Variants in ZMAT4 observed in about 807,000 individuals in gnomAD.
ZMAT4 encodes zinc finger matrin-type protein 4.
In ZMAT4, 17 loss-of-function variants were observed where a neutral mutation model predicts 28.7. That is an observed-to-expected ratio of 0.59 (90% CI 0.41 to 0.89). The LOEUF (loss-of-function observed/expected upper bound fraction) is 0.89, where lower values mean the gene tolerates loss of function less well. ZMAT4 is among the 40% of genes least tolerant of loss of function. The probability of loss-of-function intolerance (pLI) is 0.00; values close to 1 mark genes in which losing one functional copy is unlikely to be tolerated. For missense variants in ZMAT4, 240 were observed against 283.8 expected, an observed-to-expected ratio of 0.85 and a Z score of 1.11; for synonymous variants, 117 against 109.2, an observed-to-expected ratio of 1.07 and a Z score of -0.44.
chr8:40,672,709 C>T (rs1808729456), intron 5 of ZMAT4, among the ~76,000 whole-genome samples: 1 of 152,178 alleles, frequency 6.6e-6, no homozygotes, highest in Non-Finnish European at 1.5e-5. Context: ...ACATAAAGTC[C>T]TATTTTTCTC....
intron 3 of ZMAT4, among the ~76,000 whole-genome samples, chr8:40,752,580 C>T (rs1354096086): frequency 6.6e-6 from 1 of 152,216 alleles, no homozygotes; most frequent in East Asian, 1.9e-4. Flanking sequence ...ATCAGCATCC[C>T]TGTGACCGCG....
Position 40,878,202 on chromosome 8 carries a change from C to T in ZMAT4, c.-5+19481G>A, listed in dbSNP as rs118008986. Among the ~76,000 whole-genome samples the T allele has an allele frequency of 5.3e-4, 80 of 152,262 alleles. No individual in the cohort carries two copies. The East Asian group carries it at 0.014, about 26-fold the overall frequency. On this transcript the variant is annotated intron_variant, in intron 1 of 6. Transcript: ENST00000297737. ...AATCATGAAAGCCAGTATCATTGAA[C>T]GGAAGTCGAGGGGTGGCCTGAAACA...
At chr8:40,536,683 T>A (rs1206105333) in intron 6 of ZMAT4, among the ~76,000 whole-genome samples, 3 of 151,902 alleles carry the variant, frequency 2.0e-5, no homozygotes, top group Non-Finnish European at 4.4e-5. Flanking sequence ...GCCTCTCCTA[T>A]CCCCCTTGGT....
At chr8:40,811,254 C>T (rs563800904) in intron 2 of ZMAT4, among the ~76,000 whole-genome samples, 9 of 152,178 alleles carry the variant, frequency 5.9e-5, no homozygotes, top group Non-Finnish European at 1.3e-4. Context: ...GAGGAACTTA[C>T]AGACAGAAGC....
At chr8:40,724,878 A>G (rs892021648) in intron 3 of ZMAT4, among the ~76,000 whole-genome samples, 2 of 152,170 alleles carry the variant, frequency 1.3e-5, no homozygotes, top group Non-Finnish European at 2.9e-5. Context: ...AGGCCAAAAG[A>G]AGGTTCCAGA....
intron 5 of ZMAT4, among the ~76,000 whole-genome samples, chr8:40,645,420 T>C (rs769107754): frequency 2.0e-5 from 3 of 152,154 alleles, no homozygotes; most frequent in Non-Finnish European, 4.4e-5. Flanking sequence ...GGAAGTTTTG[T>C]TTGATGGATT....
At chr8:40,837,786 T>C (rs1483778089) in intron 1 of ZMAT4, among the ~76,000 whole-genome samples, 2 of 152,204 alleles carry the variant, frequency 1.3e-5, no homozygotes, top group Non-Finnish European at 2.9e-5. Flanking sequence ...CAGAGTATCA[T>C]CGCAGGACAA....
At chr8:40,740,275 A>G (rs1811945003) in intron 3 of ZMAT4, among the ~76,000 whole-genome samples, 1 of 152,108 alleles carries the variant, frequency 6.6e-6, no homozygotes, top group Non-Finnish European at 1.5e-5. Context: ...AAGTGTTCCT[A>G]TTTCTCCAAA....
At chr8:40,726,172 C>A (rs1041619667) in intron 3 of ZMAT4, among the ~76,000 whole-genome samples, 4 of 152,228 alleles carry the variant, frequency 2.6e-5, no homozygotes, top group Non-Finnish European at 5.9e-5. Flanking sequence ...CATCCTTGCA[C>A]AGACTGCCCA....
intron 5 of ZMAT4, among the ~76,000 whole-genome samples, chr8:40,586,144 C>G (rs747622932): frequency 6.6e-6 from 1 of 152,152 alleles, no homozygotes; most frequent in African/African-American, 2.4e-5. Flanking sequence ...GAGTCCTCCC[C>G]CACGCATGAC....
intron 1 of ZMAT4, among the ~76,000 whole-genome samples, chr8:40,860,792 C>G (rs1463174606): frequency 6.6e-6 from 1 of 152,308 alleles, no homozygotes; most frequent in East Asian, 1.9e-4. Flanking sequence ...CCTGGTCGTC[C>G]TGGAGTCTGC....
intron 4 of ZMAT4, 167 bp downstream of exon 4, chr8:40,697,078 G>T: frequency 1.4e-6 from 1 of 703,876 alleles, no homozygotes; most frequent in Non-Finnish European, 2.3e-6. Flanking sequence ...AGGGGTCTTA[G>T]GACAGCCAGG....
intron 6 of ZMAT4, among the ~76,000 whole-genome samples, chr8:40,559,030 T>TAAC: frequency 6.6e-6 from 1 of 152,332 alleles, no homozygotes; most frequent in Middle Eastern, 3.4e-3. Context: ...AACTATGTTT[T>TAAC]AACTGCCACA....
At chr8:40,788,348 G>A (rs1814170964) in intron 2 of ZMAT4, among the ~76,000 whole-genome samples, 1 of 152,178 alleles carries the variant, frequency 6.6e-6, no homozygotes, top group African/African-American at 2.4e-5. Context: ...ATTTTGGGAG[G>A]CCGGGGCAGG....
At chr8:40,533,357 T>C (rs1036141719) in intron 6 of ZMAT4, among the ~76,000 whole-genome samples, 2 of 152,206 alleles carry the variant, frequency 1.3e-5, no homozygotes, top group African/African-American at 4.8e-5. Flanking sequence ...CGCATGCTGC[T>C]GAAGAAGTGC....
At chr8:40,605,411 A>G (rs1805546980) in intron 5 of ZMAT4, among the ~76,000 whole-genome samples, 1 of 152,082 alleles carries the variant, frequency 6.6e-6, no homozygotes, top group South Asian at 2.1e-4. Context: ...AAAATTATTT[A>G]ATTTTTATCT....
chr8:40,532,402 A>T (rs1250407474), intron 6 of ZMAT4, among the ~76,000 whole-genome samples, 164 bp from the exon 7 acceptor site: 1 of 58,924 alleles, frequency 1.7e-5, no homozygotes, highest in Non-Finnish European at 3.0e-5. Context: ...GGTTCTAAAT[A>T]ACCTGTATAT....
At position 40,750,224 on chromosome 8, in the gene ZMAT4, T is replaced by G. The variant is rs7831646; in HGVS notation, c.192+17417A>C. Among the ~76,000 whole-genome samples, 309 of 152,226 alleles carry G rather than the reference T, an allele frequency of 2.0e-3. 3 individuals are homozygous for G. The highest frequency in any genetic ancestry group is 6.9e-3 in the African/African-American group (285 of 41,544). ...AAAGAAAAAATATATATATATATTCTTAATACATGAACCTAAACAAAGCCA... is the reference window on the plus strand; with the variant it reads ...AAAGAAAAAATATATATATATATTCGTAATACATGAACCTAAACAAAGCCA... On this transcript the variant is annotated intron_variant, in intron 3 of 6. Transcript: ENST00000297737.
At chr8:40,539,225 A>G (rs1351512836) in intron 6 of ZMAT4, among the ~76,000 whole-genome samples, 1 of 152,208 alleles carries the variant, frequency 6.6e-6, no homozygotes, top group African/African-American at 2.4e-5. Flanking sequence ...TGCTTGCTAC[A>G]CATTAAAGGC....
Sources: gnomAD v4.1 joint callset for allele counts (sites outside exome capture counted in the v4.1 genomes callset) on GRCh38, gnomAD v4.1.1 for gene constraint, MANE v1.5 for transcripts, NCBI Gene and HGNC (gene_info 2026-07-23, HGNC 2026-07-21) for gene names.